SH3BGRL: variants seen among roughly 807,000 people sequenced by gnomAD.
The protein encoded by SH3BGRL is SH3 domain binding glutamate rich protein like, also known as adapter SH3BGRL.
A neutral mutation model predicts 9.8 loss-of-function variants in SH3BGRL; 7 were observed. The observed-to-expected ratio is 0.72, with a 90% CI of 0.41 to 1.35. The LOEUF is 1.35. Among genes scored for constraint, SH3BGRL ranks in the 40% most tolerant of loss-of-function variants. The pLI is 0.01. For synonymous variants in SH3BGRL, 36 were observed against 29.1 expected, an observed-to-expected ratio of 1.24 and a Z score of -0.76; for missense variants, 73 against 84.4, an observed-to-expected ratio of 0.86 and a Z score of 0.53.
chrX:81,270,171 C>T (rs1249411657), intron 1 of SH3BGRL, among the ~76,000 whole-genome samples: 2 of 111,068 alleles, frequency 1.8e-5, no homozygotes, highest in Admixed American at 1.9e-4. Flanking sequence ...AAACATGCTC[C>T]TTTAGCTCGG....
At chrX:81,261,318 A>T (rs1475013376) in intron 1 of SH3BGRL, among the ~76,000 whole-genome samples, 1 of 111,642 alleles carries the variant, frequency 9.0e-6, no homozygotes, top group African/African-American at 3.2e-5. Context: ...CTATTCAATG[A>T]AATAATATAT....
chrX:81,268,351 G>T (rs1253559756), intron 1 of SH3BGRL, among the ~76,000 whole-genome samples: 4 of 111,165 alleles, frequency 3.6e-5, no homozygotes, highest in Non-Finnish European at 7.5e-5. Flanking sequence ...TTTCTTGTGG[G>T]CATTTAATGC....
intron 2 of SH3BGRL, among the ~76,000 whole-genome samples, chrX:81,277,997 C>T (rs1398908765): frequency 1.8e-5 from 2 of 111,921 alleles, no homozygotes; most frequent in Non-Finnish European, 3.8e-5. Context: ...AGTTTCCCTC[C>T]TGTTGCCCAG....
chrX:81,202,283 A>G, intron 1 of SH3BGRL, 38 bp downstream of exon 1: 4 of 1,160,687 alleles, frequency 3.4e-6, no homozygotes, highest in Non-Finnish European at 4.7e-6. Flanking sequence ...TTGTTTTCCT[A>G]CACACCAGTC....
intron 1 of SH3BGRL, among the ~76,000 whole-genome samples, chrX:81,214,049 G>A (rs931423389): frequency 8.9e-5 from 10 of 112,303 alleles, no homozygotes; most frequent in Admixed American, 1.9e-4. Flanking sequence ...TTCACATTTC[G>A]GAGGAGGTGA....
intron 1 of SH3BGRL, among the ~76,000 whole-genome samples, chrX:81,255,131 G>A (rs371255341): frequency 5.4e-5 from 6 of 110,621 alleles, no homozygotes; most frequent in African/African-American, 1.6e-4. Flanking sequence ...CTCATGGTCC[G>A]CCCCCCTCAG....
intron 3 of SH3BGRL, among the ~76,000 whole-genome samples, chrX:81,284,429 A>G (rs2075828053): frequency 1.8e-5 from 2 of 110,492 alleles, no homozygotes; most frequent in African/African-American, 6.6e-5. Flanking sequence ...TACAGGATTT[A>G]GGAATTAATG....
chrX:81,295,214 G>A lies in SH3BGRL; in HGVS notation c.313-1981G>A, dbSNP rs979710436. ...GACATGAGATTTGGAGAGGTCAGGG[G>A]TAGAATGATATGGTTTGTCACTTTG... On this transcript the variant is annotated intron_variant, in intron 3 of 3. Transcript: ENST00000373212. Among the ~76,000 whole-genome samples, 25 of 111,642 alleles carry A rather than the reference G, an allele frequency of 2.2e-4. No homozygotes were observed. The Admixed American group carries it at 2.4e-3, about 11-fold the overall frequency.
intron 1 of SH3BGRL, among the ~76,000 whole-genome samples, chrX:81,225,606 G>A (rs1364656423): frequency 1.8e-5 from 2 of 111,606 alleles, no homozygotes; most frequent in African/African-American, 6.5e-5. Flanking sequence ...TTGTGGCTAA[G>A]TAGTATTCCA....
At chrX:81,269,485 T>G (rs753065703) in intron 1 of SH3BGRL, among the ~76,000 whole-genome samples, 55 of 111,794 alleles carry the variant, frequency 4.9e-4, no homozygotes, top group Admixed American at 4.8e-3. Flanking sequence ...AAGCTTAGTT[T>G]CGCTGGATAT....
At chrX:81,270,804 G>A (rs1296181694) in intron 1 of SH3BGRL, among the ~76,000 whole-genome samples, 1 of 112,162 alleles carries the variant, frequency 8.9e-6, no homozygotes, top group Non-Finnish European at 1.9e-5. Context: ...GCTGTCAGCC[G>A]CCTTTTGTTC....
chrX:81,252,884 T>C (rs2075714961), intron 1 of SH3BGRL, among the ~76,000 whole-genome samples: 1 of 102,247 alleles, frequency 9.8e-6, no homozygotes, highest in Admixed American at 1.0e-4. Context: ...TTACTACTAA[T>C]ATTGATAAAA....
At chrX:81,253,937 T>C (rs940329654) in intron 1 of SH3BGRL, among the ~76,000 whole-genome samples, 2 of 111,566 alleles carry the variant, frequency 1.8e-5, no homozygotes, top group Non-Finnish European at 3.8e-5. Flanking sequence ...TATCATCATG[T>C]AGAAATTGAG....
At chrX:81,271,714 G>A (rs1199597895) in intron 1 of SH3BGRL, among the ~76,000 whole-genome samples, 5 of 111,302 alleles carry the variant, frequency 4.5e-5, no homozygotes, top group Non-Finnish European at 9.4e-5. Flanking sequence ...TAGCAAGACA[G>A]GCCAACATTC....
In SH3BGRL at chrX:81,297,854, T is replaced by C. The variant is rs1056343665; in HGVS notation, c.*627T>C. 1 of 111,800 alleles carries C rather than the reference T, an allele frequency of 8.9e-6. No homozygotes were observed. The allele number at this position is 111,800 out of a possible 1,213,427, so 9.2% of individuals were successfully genotyped here. A position where few individuals can be genotyped will look rare whatever the true frequency, so the allele number is the denominator to read the frequency against. On this transcript the variant is annotated 3_prime_UTR_variant, in exon 4 of 4. Coordinates refer to ENST00000373212, the MANE Select transcript of SH3BGRL (RefSeq NM_003022.3). Reference sequence around the variant, plus strand: ...TTCAGTGATCAGAATAGATATCCTTTTACACGCACAAAAGCAATAGATTCA... The same window carrying C: ...TTCAGTGATCAGAATAGATATCCTTCTACACGCACAAAAGCAATAGATTCA...
intron 1 of SH3BGRL, among the ~76,000 whole-genome samples, chrX:81,225,350 C>T (rs1013148306): frequency 1.8e-5 from 2 of 110,940 alleles, no homozygotes; most frequent in African/African-American, 6.5e-5. Flanking sequence ...ATCGTGCACT[C>T]ATCATCTAAA....
At chrX:81,214,644 C>A (rs899050376) in intron 1 of SH3BGRL, among the ~76,000 whole-genome samples, 2 of 111,667 alleles carry the variant, frequency 1.8e-5, no homozygotes, top group African/African-American at 6.5e-5. Flanking sequence ...AGGATGAAAG[C>A]AAATAAATAT....
chrX:81,296,660 A>G (rs930297697), intron 3 of SH3BGRL, among the ~76,000 whole-genome samples: 1 of 111,497 alleles, frequency 9.0e-6, no homozygotes, highest in African/African-American at 3.3e-5. Flanking sequence ...ACTTTCCTTG[A>G]AGTTTATTTT....
intron 3 of SH3BGRL, among the ~76,000 whole-genome samples, chrX:81,284,878 G>A (rs1288352776): frequency 5.4e-5 from 6 of 111,026 alleles, no homozygotes; most frequent in Non-Finnish European, 1.1e-4. Context: ...TGGGCCCATA[G>A]GAAGCTAGAC....
Sources: gnomAD v4.1 joint callset for allele counts (sites outside exome capture counted in the v4.1 genomes callset) on GRCh38, gnomAD v4.1.1 for gene constraint, MANE v1.5 for transcripts, NCBI Gene and HGNC (gene_info 2026-07-23, HGNC 2026-07-21) for gene names.